The following ADCYAP1R1 variants were observed in gnomAD, a reference collection of about 807,000 sequenced individuals.
ADCYAP1R1 encodes the protein ADCYAP receptor type I.
A neutral mutation model predicts 67.6 loss-of-function variants in ADCYAP1R1; 44 were observed. The ratio of observed to expected loss-of-function variants is 0.65; its 90% CI spans 0.51 to 0.84. ADCYAP1R1 has a LOEUF of 0.84. ADCYAP1R1 is among the 40% of genes least tolerant of loss of function. The pLI is 0.00. For missense variants in ADCYAP1R1, 477 were observed against 587.9 expected (o/e 0.81, Z 1.95); for synonymous variants, 222 against 219.6 (o/e 1.01, Z -0.10).
intron 12 of ADCYAP1R1, among the ~76,000 whole-genome samples, 159 bp downstream of exon 12, chr7:31,087,855 T>A (rs1043625258): frequency 1.3e-5 from 2 of 152,354 alleles, no homozygotes; most frequent in East Asian, 1.9e-4. Flanking sequence ...CTTTAGCTAT[T>A]CCCCTAACAC....
At chr7:31,106,301 C>A (rs560665202) in intron 15 of ADCYAP1R1, among the ~76,000 whole-genome samples, 195 bp from the exon 16 acceptor site, 1 of 152,344 alleles carries the variant, frequency 6.6e-6, no homozygotes, top group Admixed American at 6.5e-5. Context: ...TTCCGGTCAG[C>A]TCCTCAGAGG....
rs371425695 is a variant in ADCYAP1R1 at position 31,086,881 on chromosome 7, C to T, written c.824-62C>T. On this transcript the variant is annotated intron_variant, in intron 10 of 15. Coordinates refer to ENST00000304166, the MANE Select transcript of ADCYAP1R1 (RefSeq NM_001118.5). This position sits in a 1 kb window ranked among gnomAD's most constrained non-coding sequence, Gnocchi z 5.0. Reference sequence around the variant, plus strand: ...ATAGCCTCTCGGAGCCCCAGGTCTACGGTGGACATTGGACATGTTGGTTTT... The same window carrying T: ...ATAGCCTCTCGGAGCCCCAGGTCTATGGTGGACATTGGACATGTTGGTTTT... 1.6e-4 allele frequency: 248 copies of T among 1,549,162 alleles called. No homozygotes were observed. Among genetic ancestry groups the T allele is most frequent in the African/African-American group, 1.9e-4 (14 of 73,574 alleles).
chr7:31,054,062 C>T (rs1794139317), intron 1 of ADCYAP1R1, among the ~76,000 whole-genome samples: 1 of 152,216 alleles, frequency 6.6e-6, no homozygotes. Flanking sequence ...AGTTCTGCTC[C>T]TCACTGACCT....
intron 12 of ADCYAP1R1, among the ~76,000 whole-genome samples, chr7:31,090,385 C>G (rs1235402114): frequency 6.6e-6 from 1 of 152,018 alleles, no homozygotes; most frequent in Non-Finnish European, 1.5e-5. Context: ...TACTAAGTAC[C>G]AGGTATTGAT....
intron 13 of ADCYAP1R1, 32 bp downstream of exon 13, chr7:31,092,767 T>A: frequency 6.5e-7 from 1 of 1,541,978 alleles, no homozygotes; most frequent in South Asian, 1.1e-5. Context: ...CCACAGCCAT[T>A]TCTGACAGCC....
chr7:31,087,596 G>A lies in ADCYAP1R1; in HGVS notation c.885-31G>A, dbSNP rs190834062. On this transcript the variant is annotated intron_variant, in intron 11 of 15. Coordinates refer to ENST00000304166, the MANE Select transcript of ADCYAP1R1 (RefSeq NM_001118.5). The stretch of plus-strand genomic sequence containing the variant: ...GCTTCTATGCTGCCGACTCACAGAC[G>A]TGATCTTGCTTCTCTCTGTCCATCT... The A allele has an allele frequency of 2.2e-4, 351 of 1,608,870 alleles. 1 individual carries two copies. Among genetic ancestry groups the A allele is most frequent in the Middle Eastern group, 1.5e-3 (9 of 6,040 alleles).
chr7:31,076,229 C>T (rs532278212), intron 3 of ADCYAP1R1, among the ~76,000 whole-genome samples: 8 of 152,294 alleles, frequency 5.3e-5, no homozygotes, highest in South Asian at 2.1e-4. Context: ...CGGTCAGGGC[C>T]GCTGGGCGGG....
intron 15 of ADCYAP1R1, among the ~76,000 whole-genome samples, chr7:31,105,560 T>C (rs1584553718): frequency 6.6e-6 from 1 of 152,178 alleles, no homozygotes; most frequent in South Asian, 2.1e-4. Flanking sequence ...GGGGACTGAA[T>C]GGCTAGGGTG....
rs375141166 is a variant in ADCYAP1R1, at chr7:31,102,664, C to T, written c.1047-573C>T. 3.3e-5 allele frequency among the ~76,000 whole-genome samples: 5 copies of T among 152,154 alleles called. No homozygotes were observed. The highest frequency in any genetic ancestry group is 2.1e-4 in the South Asian group (1 of 4,830). ...TTGGAGATTGCCGATGCCCAGGGTC[C>T]GTAAGTTCCTCCTAGAATCCCTCCC... On this transcript the variant is annotated intron_variant, in intron 13 of 15. Coordinates refer to ENST00000304166, the MANE Select transcript of ADCYAP1R1 (RefSeq NM_001118.5). The surrounding 1 kb of genome is among the most constrained non-coding windows in gnomAD (Gnocchi z 4.3).
rs916125501 is a variant in ADCYAP1R1, at chr7:31,106,859, T to A, written c.*175T>A. On this transcript the variant is annotated 3_prime_UTR_variant, in exon 16 of 16. Coordinates refer to ENST00000304166, the MANE Select transcript of ADCYAP1R1 (RefSeq NM_001118.5). ...AGACTGGAATTGTCCCCTCCTTGTTTTGGTACTGGTCCCACCCACTGTGGT... is the reference window on the plus strand; with the variant it reads ...AGACTGGAATTGTCCCCTCCTTGTTATGGTACTGGTCCCACCCACTGTGGT... 3.9e-6 allele frequency: 3 copies of A among 766,012 alleles called. No homozygotes were observed. Among genetic ancestry groups the A allele is most frequent in the South Asian group, 3.9e-5 (2 of 51,096 alleles). 47.5% of individuals were successfully genotyped at this position (766,012 alleles called of 1,614,324 possible).
At position 31,109,972 on chromosome 7, in the gene ADCYAP1R1, C is replaced by G. The variant is rs1202584588; in HGVS notation, c.*3288C>G. On this transcript the variant is annotated 3_prime_UTR_variant, in exon 16 of 16. Transcript: ENST00000304166. ...CAGCGACTCTTCTCTAACCCCACCC[C>G]CTCCAAGCTGGGTTCTTTGTGGAAG... 1 of 152,212 alleles carries G rather than the reference C, an allele frequency of 6.6e-6. No individual in the cohort carries two copies. Among genetic ancestry groups the G allele is most frequent in the Non-Finnish European group, 1.5e-5 (1 of 68,232 alleles). 9.4% of individuals were successfully genotyped at this position (152,212 alleles called of 1,614,324 possible). A position where few individuals can be genotyped will look rare whatever the true frequency, so the allele number is the denominator to read the frequency against.
chr7:31,073,896 C>T (rs1330476467), intron 3 of ADCYAP1R1, among the ~76,000 whole-genome samples: 1 of 152,110 alleles, frequency 6.6e-6, no homozygotes, highest in Non-Finnish European at 1.5e-5. Context: ...TGGTACTATA[C>T]GAATTGTCTT....
chr7:31,087,024 C>A (rs1184595268), intron 11 of ADCYAP1R1, 21 bp downstream of exon 11: 2 of 1,613,660 alleles, frequency 1.2e-6, no homozygotes, highest in Non-Finnish European at 1.7e-6. Context: ...GCGCGAGAGT[C>A]AGGGCCACAG....
chr7:31,099,603 G>A (rs1296695567), intron 13 of ADCYAP1R1, among the ~76,000 whole-genome samples: 2 of 152,180 alleles, frequency 1.3e-5, no homozygotes, highest in Non-Finnish European at 2.9e-5. Flanking sequence ...AGAGGAGAGG[G>A]AGAGGGTAGA....
intron 3 of ADCYAP1R1, among the ~76,000 whole-genome samples, chr7:31,077,271 G>C (rs913948231): frequency 5.9e-5 from 9 of 151,448 alleles, no homozygotes; most frequent in African/African-American, 2.2e-4. Flanking sequence ...TGTGTGTGTG[G>C]GTGTGGTGCA....
At chr7:31,103,213 A>G (rs1225102010) in intron 13 of ADCYAP1R1, 24 bp from the exon 14 acceptor site, 1 of 1,613,020 alleles carries the variant, frequency 6.2e-7, no homozygotes, top group Non-Finnish European at 8.5e-7. Flanking sequence ...TCCCCAGAGC[A>G]GATGTTTTGC....
chr7:31,099,870 C>T lies in ADCYAP1R1; in HGVS notation c.1047-3367C>T, dbSNP rs1267841677. ...AATACACACCTTCCCTCTAAACCCA[C>T]CCACCTAGCAGTGGTCCCAGTGTGA... On this transcript the variant is annotated intron_variant, in intron 13 of 15. Transcript: ENST00000304166. 2.0e-5 allele frequency among the ~76,000 whole-genome samples: 3 copies of T among 152,198 alleles called. No individual in the cohort carries two copies. In the South Asian group the frequency reaches 6.2e-4, roughly 31 times the overall value.
chr7:31,066,824 C>A (rs141274569), intron 3 of ADCYAP1R1, among the ~76,000 whole-genome samples: 1 of 152,142 alleles, frequency 6.6e-6, no homozygotes, highest in Non-Finnish European at 1.5e-5. Flanking sequence ...GAGGGACAGA[C>A]GAATGGGTGA....
intron 3 of ADCYAP1R1, among the ~76,000 whole-genome samples, chr7:31,066,067 G>T (rs538494223): frequency 2.2e-5 from 1 of 45,408 alleles, no homozygotes; most frequent in South Asian, 1.2e-3. Context: ...ACCAGTGAGG[G>T]AAACTGAGGC....
Sources: gnomAD v4.1 joint callset for allele counts (sites outside exome capture counted in the v4.1 genomes callset) on GRCh38, gnomAD v4.1.1 for gene constraint, Gnocchi (gnomAD v3.1) non-coding constraint, MANE v1.5 for transcripts, NCBI Gene and HGNC (gene_info 2026-07-23, HGNC 2026-07-21) for gene names.